The following NRXN3 variants were observed in gnomAD, a reference collection of about 807,000 sequenced individuals.
The protein encoded by NRXN3 is neurexin 3, also known as neurexin III.
In NRXN3, 32 loss-of-function variants were observed where a neutral mutation model predicts 137.6. That is an observed-to-expected ratio of 0.23 (90% CI 0.18 to 0.31). The LOEUF (loss-of-function observed/expected upper bound fraction) is 0.31. Among genes scored for constraint, NRXN3 ranks in the 10% least tolerant of loss-of-function variants. The pLI is 1.00. For missense variants in NRXN3, 1,574 were observed against 2,062.5 expected, an observed-to-expected ratio of 0.76 and a Z score of 4.59; for synonymous variants, 798 against 784.5, an observed-to-expected ratio of 1.02 and a Z score of -0.29.
At chr14:79,543,075 G>A (rs1332280906) in intron 16 of NRXN3, among the ~76,000 whole-genome samples, 1 of 152,132 alleles carries the variant, frequency 6.6e-6, no homozygotes, top group African/African-American at 2.4e-5. Flanking sequence ...ACTGGCTTCT[G>A]TAGGCTCTTA....
intron 1 of NRXN3, among the ~76,000 whole-genome samples, chr14:78,181,223 G>A (rs183361374): frequency 6.6e-6 from 1 of 152,338 alleles, no homozygotes; most frequent in East Asian, 1.9e-4. Context: ...TGCCCGAAAT[G>A]CCTAGGGAGT....
At chr14:79,041,417 A>T (rs1427348387) in intron 15 of NRXN3, among the ~76,000 whole-genome samples, 1 of 152,226 alleles carries the variant, frequency 6.6e-6, no homozygotes, top group Non-Finnish European at 1.5e-5. Flanking sequence ...ATTAGAATGG[A>T]TAACCACATC....
intron 15 of NRXN3, among the ~76,000 whole-genome samples, chr14:79,251,511 A>T (rs146622065): frequency 1.0e-3 from 157 of 152,260 alleles, no homozygotes; most frequent in African/African-American, 3.7e-3. Context: ...GAAAAGTAAT[A>T]AGGAAAATGA....
intron 16 of NRXN3, among the ~76,000 whole-genome samples, chr14:79,638,049 T>C (rs1277319207): frequency 6.6e-6 from 1 of 152,018 alleles, no homozygotes; most frequent in Non-Finnish European, 1.5e-5. Flanking sequence ...TCCTCCTATA[T>C]TATACGTGCC....
intron 15 of NRXN3, among the ~76,000 whole-genome samples, chr14:79,330,662 G>A (rs1285459343): frequency 6.6e-6 from 1 of 152,164 alleles, no homozygotes; most frequent in Non-Finnish European, 1.5e-5. Context: ...AGGTGAATTA[G>A]ACCAGCGACA....
chr14:79,399,549 G>T (rs763511219), intron 15 of NRXN3, among the ~76,000 whole-genome samples: 4 of 152,130 alleles, frequency 2.6e-5, no homozygotes, highest in Non-Finnish European at 2.9e-5. Flanking sequence ...TCTACAAACG[G>T]CATGGTGGGG....
intron 15 of NRXN3, among the ~76,000 whole-genome samples, chr14:79,274,475 T>G (rs185747447): frequency 1.3e-3 from 203 of 152,358 alleles, no homozygotes; most frequent in Admixed American, 4.5e-3. Context: ...TCCATGGTGC[T>G]GAGGATACGA....
chr14:78,943,468 T>G (rs951155194), intron 10 of NRXN3, among the ~76,000 whole-genome samples: 1 of 150,694 alleles, frequency 6.6e-6, no homozygotes. Context: ...TGGGACACTC[T>G]AAAATGTCAA....
intron 15 of NRXN3, among the ~76,000 whole-genome samples, chr14:79,054,921 A>G (rs2099654482): frequency 6.6e-6 from 1 of 152,192 alleles, no homozygotes; most frequent in Admixed American, 6.5e-5. Context: ...ATGTTAGTTT[A>G]CCATTTGTGA....
At chr14:79,858,832 TAAA>T (rs1017250047) in intron 20 of NRXN3, among the ~76,000 whole-genome samples, 4 of 152,040 alleles carry the variant, frequency 2.6e-5, no homozygotes, top group African/African-American at 9.7e-5. Flanking sequence ...AGAAGAATAA[TAAA>T]AAAGTTTGCT....
chr14:79,625,851 T>TCCAGCTC (rs1288937625), intron 16 of NRXN3, among the ~76,000 whole-genome samples: 1 of 152,184 alleles, frequency 6.6e-6, no homozygotes, highest in Non-Finnish European at 1.5e-5. Context: ...TTTGCACCTT[T>TCCAGCTC]CCAGCTCTGT....
chr14:79,021,865 C>T (rs1030441736), intron 15 of NRXN3, among the ~76,000 whole-genome samples: 1 of 152,126 alleles, frequency 6.6e-6, no homozygotes, highest in African/African-American at 2.4e-5. Context: ...ACATCATCTG[C>T]CAGGCTGTGA....
intron 10 of NRXN3, among the ~76,000 whole-genome samples, chr14:78,897,751 T>C (rs1341765450): frequency 1.3e-5 from 2 of 151,932 alleles, no homozygotes; most frequent in Non-Finnish European, 2.9e-5. Context: ...TATAAATTAT[T>C]CACTAGTTTC....
intron 15 of NRXN3, among the ~76,000 whole-genome samples, chr14:79,362,742 G>A (rs2093730184): frequency 6.6e-6 from 1 of 152,186 alleles, no homozygotes; most frequent in South Asian, 2.1e-4. Context: ...GAGTTCATCA[G>A]TCCCATGGCT....
At chr14:79,770,838 T>G (rs1217130052) in intron 19 of NRXN3, among the ~76,000 whole-genome samples, 2 of 151,936 alleles carry the variant, frequency 1.3e-5, no homozygotes, top group Admixed American at 6.6e-5. Flanking sequence ...ATCCAGGAGC[T>G]GGTTTTTTGA....
intron 16 of NRXN3, among the ~76,000 whole-genome samples, chr14:79,626,441 ATTGT>A (rs35072003): frequency 0.27 from 40,061 of 150,406 alleles, 5,972 homozygotes; most frequent in African/African-American, 0.41. Context: ...AATAACCCTC[ATTGT>A]TTGTCATTAT....
chr14:79,800,767 A>AAAC (rs963248522), intron 19 of NRXN3, among the ~76,000 whole-genome samples: 16 of 152,202 alleles, frequency 1.1e-4, no homozygotes, highest in African/African-American at 2.7e-4. Flanking sequence ...GAAAAAGCCA[A>AAAC]AACAACAACA....
intron 16 of NRXN3, among the ~76,000 whole-genome samples, chr14:79,543,305 C>G (rs1199854408): frequency 6.6e-6 from 1 of 152,176 alleles, no homozygotes; most frequent in Admixed American, 6.6e-5. Context: ...ATTCCAGCAT[C>G]CTGTTAAATT....
intron 8 of NRXN3, among the ~76,000 whole-genome samples, chr14:78,777,985 ACC>A (rs2098750132): frequency 1.3e-5 from 2 of 152,032 alleles, no homozygotes; most frequent in Non-Finnish European, 2.9e-5. Flanking sequence ...CTGATCTCAA[ACC>A]CCTAGCCTCA....
Sources: gnomAD v4.1 joint callset for allele counts (sites outside exome capture counted in the v4.1 genomes callset) on GRCh38, gnomAD v4.1.1 for gene constraint, MANE v1.5 for transcripts, NCBI Gene and HGNC (gene_info 2026-07-23, HGNC 2026-07-21) for gene names.